PSMA5: variants seen among roughly 807,000 people sequenced by gnomAD.
The protein encoded by PSMA5 is proteasome 20S subunit alpha 5.
A neutral mutation model predicts 34.5 loss-of-function variants in PSMA5; 3 were observed. The ratio of observed to expected loss-of-function variants is 0.09; its 90% CI spans 0.04 to 0.22. PSMA5 has a LOEUF of 0.22. Among genes scored for constraint, PSMA5 ranks in the 10% least tolerant of loss-of-function variants. The pLI is 1.00. For missense variants in PSMA5, 120 were observed against 286.1 expected (o/e 0.42, Z 4.19); for synonymous variants, 88 against 95.8 (o/e 0.92, Z 0.47).
At chr1:109,415,106 TG>T in intron 3 of PSMA5, 130 bp downstream of exon 3, 1 of 1,139,530 alleles carries the variant, frequency 8.8e-7, no homozygotes. Context: ...TTACGCATTC[TG>T]GCCTACTGCC....
chr1:109,415,147 G>T, intron 3 of PSMA5, 90 bp downstream of exon 3: 2 of 1,407,358 alleles, frequency 1.4e-6, no homozygotes, highest in East Asian at 2.4e-5. Context: ...AGGGGATAAC[G>T]TGTTCATTTC....
intron 1 of PSMA5, among the ~76,000 whole-genome samples, chr1:109,425,003 A>C (rs537193320): frequency 7.1e-6 from 1 of 140,404 alleles, no homozygotes; most frequent in South Asian, 2.1e-4. Context: ...AACAAAACCC[A>C]GGAGGGGGAG....
At chr1:109,403,476 C>T (rs1653619154) in intron 8 of PSMA5, among the ~76,000 whole-genome samples, 1 of 151,282 alleles carries the variant, frequency 6.6e-6, no homozygotes, top group Admixed American at 6.6e-5. Flanking sequence ...AAAAAAAACC[C>T]CAAAAACTAG....
chr1:109,422,469 AAC>A (rs1219727079), intron 1 of PSMA5, among the ~76,000 whole-genome samples: 3 of 147,680 alleles, frequency 2.0e-5, no homozygotes, highest in Non-Finnish European at 4.4e-5. Context: ...ATCTCTATAA[AAC>A]ACAGTTATTA....
intron 1 of PSMA5, 99 bp downstream of exon 1, chr1:109,426,203 C>T (rs1571037272): frequency 1.3e-6 from 2 of 1,518,660 alleles, no homozygotes; most frequent in East Asian, 2.3e-5. Context: ...GTCTCGGGTT[C>T]CTGGGGAGCC....
chr1:109,413,877 C>A (rs1034448244), intron 3 of PSMA5, among the ~76,000 whole-genome samples: 1 of 152,154 alleles, frequency 6.6e-6, no homozygotes, highest in African/African-American at 2.4e-5. Context: ...TGGTTAAAAC[C>A]TTCACCATCT....
chr1:109,420,932 A>G (rs540222438), intron 2 of PSMA5, among the ~76,000 whole-genome samples: 1 of 150,924 alleles, frequency 6.6e-6, no homozygotes, highest in South Asian at 2.1e-4. Flanking sequence ...GTAAATCCCA[A>G]CACTTTGAGA....
intron 8 of PSMA5, among the ~76,000 whole-genome samples, chr1:109,407,483 C>G (rs1653819933): frequency 6.6e-6 from 1 of 152,136 alleles, no homozygotes; most frequent in African/African-American, 2.4e-5. Flanking sequence ...CAATACTCTC[C>G]AGTCCTCTCT....
chr1:109,408,283 C>A (rs914576798), intron 8 of PSMA5, among the ~76,000 whole-genome samples: 4 of 152,140 alleles, frequency 2.6e-5, no homozygotes, highest in Admixed American at 2.6e-4. Flanking sequence ...GTTTCCTTTA[C>A]CCACAATATT....
At position 109,400,058 on chromosome 1, in the gene PSMA5, A is replaced by T. The variant is rs560368049; in HGVS notation, c.*1955T>A. 2.0e-5 allele frequency: 3 copies of T among 152,346 alleles called. No individual in the cohort carries two copies. The highest frequency in any genetic ancestry group is 4.4e-5 in the Non-Finnish European group (3 of 68,032). The allele number at this position is 152,346 out of a possible 1,614,324, so 9.4% of individuals were successfully genotyped here. A position where few individuals can be genotyped will look rare whatever the true frequency, so the allele number is the denominator to read the frequency against. ...TGTTTTAATATTCTACAAAAAAATCAAAGTTCTACCTCTTTGAAGAATGCC... is the reference window on the plus strand; with the variant it reads ...TGTTTTAATATTCTACAAAAAAATCTAAGTTCTACCTCTTTGAAGAATGCC... On this transcript the variant is annotated 3_prime_UTR_variant, in exon 9 of 9. Coordinates refer to ENST00000271308, the MANE Select transcript of PSMA5 (RefSeq NM_002790.4).
intron 8 of PSMA5, among the ~76,000 whole-genome samples, chr1:109,404,149 C>T (rs1299486847): frequency 1.3e-5 from 2 of 152,026 alleles, no homozygotes; most frequent in African/African-American, 4.8e-5. Flanking sequence ...CATGGCAAAA[C>T]CCTGTCTCTA....
At chr1:109,407,985 A>G (rs1149174) in intron 8 of PSMA5, among the ~76,000 whole-genome samples, 137,064 of 152,174 alleles carry the variant, frequency 0.9, 61,870 homozygotes, top group East Asian at 1. Context: ...TTCTCATAAC[A>G]ACTTTTCCAA....
intron 8 of PSMA5, among the ~76,000 whole-genome samples, chr1:109,407,081 G>A (rs957141363): frequency 6.6e-6 from 1 of 152,058 alleles, no homozygotes; most frequent in African/African-American, 2.4e-5. Flanking sequence ...TCCGCCTCAC[G>A]GGTTCACACT....
chr1:109,405,650 G>T (rs1653727116), intron 8 of PSMA5, among the ~76,000 whole-genome samples: 1 of 152,114 alleles, frequency 6.6e-6, no homozygotes. Context: ...ATATTGGCCT[G>T]GCTGGTCTTG....
At chr1:109,421,244 AAC>A (rs1654430009) in intron 2 of PSMA5, among the ~76,000 whole-genome samples, 1 of 152,092 alleles carries the variant, frequency 6.6e-6, no homozygotes, top group South Asian at 2.1e-4. Flanking sequence ...TACCAACAAG[AAC>A]ACAAAGGTGG....
chr1:109,421,813 G>A (rs1484970608), intron 2 of PSMA5, 47 bp downstream of exon 2: 10 of 1,441,886 alleles, frequency 6.9e-6, no homozygotes, highest in Non-Finnish European at 9.5e-6. Flanking sequence ...CCAGCAAAAT[G>A]TTAGGTAGCC....
At chr1:109,417,196 A>G (rs574257582) in intron 2 of PSMA5, among the ~76,000 whole-genome samples, 3 of 152,354 alleles carry the variant, frequency 2.0e-5, no homozygotes, top group Admixed American at 6.5e-5. Flanking sequence ...CCTTAAGTCT[A>G]TTGATGTAAG....
At chr1:109,417,087 A>G (rs578188636) in intron 2 of PSMA5, among the ~76,000 whole-genome samples, 1 of 152,350 alleles carries the variant, frequency 6.6e-6, no homozygotes, top group African/African-American at 2.4e-5. Context: ...CCTGGACAAC[A>G]GAGTGAGACC....
intron 1 of PSMA5, chr1:109,425,688 C>CACA (rs964864530): frequency 1.3e-5 from 2 of 152,644 alleles, no homozygotes; most frequent in African/African-American, 4.8e-5. Flanking sequence ...ATTTTCATAC[C>CACA]ACAAAAGTTT....
Sources: allele counts gnomAD v4.1 joint callset (sites outside exome capture counted in the v4.1 genomes callset), GRCh38; gene constraint gnomAD v4.1.1; transcripts MANE v1.5; gene names NCBI Gene and HGNC (gene_info 2026-07-23, HGNC 2026-07-21).